The following NKAIN2 variants were observed in gnomAD, a reference collection of about 807,000 sequenced individuals.
The protein encoded by NKAIN2 is sodium/potassium-transporting ATPase subunit beta-1-interacting protein 2.
NKAIN2 carries 14 observed loss-of-function variants against 32.6 expected under a neutral mutation model. The ratio of observed to expected loss-of-function variants is 0.43; its 90% confidence interval spans 0.28 to 0.67. The LOEUF (loss-of-function observed/expected upper bound fraction) is 0.67. NKAIN2 is among the 30% of genes least tolerant of loss of function. The pLI is 0.17. For missense variants in NKAIN2, 198 were observed against 258.3 expected (o/e 0.77, Z 1.60); for synonymous variants, 80 against 87.2 (o/e 0.92, Z 0.46).
rs1330517962 is a variant in NKAIN2, at chr6:124,233,786, C to T, written c.55-49219C>T. ...AGAATGGGATTCTTCAAAAATTCTG[C>T]AGTAACAAGAATGAAATCTTCTAAA... is the stretch of plus-strand genomic sequence containing the variant. On this transcript the variant is annotated intron_variant, in intron 1 of 6. Transcript: ENST00000368417. Among the ~76,000 whole-genome samples the T allele has an allele frequency of 2.6e-5, 4 of 152,252 alleles. No homozygotes were observed. In the East Asian group the frequency reaches 7.7e-4, roughly 29 times the overall value.
At chr6:124,250,276 G>C (rs539782575) in intron 1 of NKAIN2, among the ~76,000 whole-genome samples, 1 of 152,078 alleles carries the variant, frequency 6.6e-6, no homozygotes, top group Non-Finnish European at 1.5e-5. Context: ...AAGCTGCTCA[G>C]TCTGTGATAT....
intron 3 of NKAIN2, among the ~76,000 whole-genome samples, chr6:124,486,834 C>T (rs529817549): frequency 6.6e-6 from 1 of 152,164 alleles, no homozygotes; most frequent in Non-Finnish European, 1.5e-5. Context: ...CTCTGCTCTG[C>T]CCGTTCCCTG....
chr6:123,870,582 T>G (rs189575443), intron 1 of NKAIN2, among the ~76,000 whole-genome samples: 22 of 152,308 alleles, frequency 1.4e-4, no homozygotes, highest in African/African-American at 4.3e-4. Context: ...ACTGTGAAAA[T>G]TAATAATGCT....
chr6:124,440,992 G>T (rs543143948), intron 3 of NKAIN2, among the ~76,000 whole-genome samples: 1 of 152,140 alleles, frequency 6.6e-6, no homozygotes, highest in African/African-American at 2.4e-5. Flanking sequence ...ACTAGTAATT[G>T]ATTTCACCTG....
At chr6:124,795,843 AG>A in intron 5 of NKAIN2, among the ~76,000 whole-genome samples, 1 of 152,260 alleles carries the variant, frequency 6.6e-6, no homozygotes, top group East Asian at 1.9e-4. Context: ...CACCTCCTAC[AG>A]GCCCTACCTC....
chr6:124,700,420 T>G (rs1194397198), intron 4 of NKAIN2, among the ~76,000 whole-genome samples: 1 of 152,176 alleles, frequency 6.6e-6, no homozygotes, highest in Non-Finnish European at 1.5e-5. Flanking sequence ...AGCAAGAGGT[T>G]CATAACAACT....
At chr6:124,048,741 T>C (rs1200719018) in intron 1 of NKAIN2, among the ~76,000 whole-genome samples, 3 of 152,030 alleles carry the variant, frequency 2.0e-5, no homozygotes, top group Non-Finnish European at 4.4e-5. Flanking sequence ...TAAATAATTA[T>C]TGGAAATTTC....
rs531264036 is a variant in NKAIN2, at chr6:124,505,938, C to T, written c.273+150591C>T. The stretch of plus-strand genomic sequence containing the variant: ...CCTGTAATCCCAGCACTTTGGGAGG[C>T]CGAGGCAGGCAGATCACGAGGTCAA... On this transcript the variant is annotated intron_variant, in intron 3 of 6. Coordinates refer to ENST00000368417, the MANE Select transcript of NKAIN2 (RefSeq NM_001040214.3). Among the ~76,000 whole-genome samples, 8 of 152,198 alleles carry T rather than the reference C, an allele frequency of 5.3e-5. 1 individual carries two copies. In the East Asian group the frequency reaches 1.6e-3, roughly 30 times the overall value.
chr6:124,168,209 A>G (rs1345521659), intron 1 of NKAIN2, among the ~76,000 whole-genome samples: 1 of 152,158 alleles, frequency 6.6e-6, no homozygotes, highest in African/African-American at 2.4e-5. Flanking sequence ...GTATTGCTAT[A>G]TATGCTGGCC....
intron 1 of NKAIN2, among the ~76,000 whole-genome samples, chr6:124,114,544 A>G (rs1032536728): frequency 2.0e-5 from 3 of 152,128 alleles, no homozygotes; most frequent in African/African-American, 7.2e-5. Flanking sequence ...CAGCATATAG[A>G]TGTTAATAAA....
chr6:124,771,842 A>G (rs933395682), intron 4 of NKAIN2, among the ~76,000 whole-genome samples: 1 of 152,186 alleles, frequency 6.6e-6, no homozygotes, highest in Non-Finnish European at 1.5e-5. Flanking sequence ...AAGCCAGAAG[A>G]GTTCTCTAGG....
intron 2 of NKAIN2, among the ~76,000 whole-genome samples, chr6:124,340,948 A>G: frequency 6.6e-6 from 1 of 152,020 alleles, no homozygotes; most frequent in East Asian, 1.9e-4. Context: ...AAAGGGAATT[A>G]TTTTTCACTT....
intron 1 of NKAIN2, among the ~76,000 whole-genome samples, chr6:124,165,284 AG>A (rs968887260): frequency 7.9e-5 from 12 of 152,202 alleles, no homozygotes; most frequent in African/African-American, 2.9e-4. Context: ...CTGTCCCTTG[AG>A]GAAAAATTGG....
intron 5 of NKAIN2, among the ~76,000 whole-genome samples, chr6:124,792,225 G>A (rs1370494738): frequency 2.0e-5 from 3 of 151,968 alleles, no homozygotes; most frequent in Non-Finnish European, 4.4e-5. Flanking sequence ...TTATAATGTT[G>A]GGTTTTTGAA....
At chr6:124,584,902 C>T (rs1781657202) in intron 3 of NKAIN2, among the ~76,000 whole-genome samples, 1 of 152,092 alleles carries the variant, frequency 6.6e-6, no homozygotes, top group Non-Finnish European at 1.5e-5. Flanking sequence ...TTGGAAGTTC[C>T]TCAAAAAACT....
chr6:123,859,794 G>T (rs1775710044), intron 1 of NKAIN2, among the ~76,000 whole-genome samples: 1 of 152,158 alleles, frequency 6.6e-6, no homozygotes, highest in Non-Finnish European at 1.5e-5. Flanking sequence ...GGGTTCAAGT[G>T]ATTCCCCTAC....
intron 1 of NKAIN2, among the ~76,000 whole-genome samples, chr6:124,117,401 C>T (rs1415432535): frequency 1.3e-5 from 2 of 151,964 alleles, no homozygotes; most frequent in Middle Eastern, 3.2e-3. Context: ...AAATGGTCAG[C>T]ACAGGCAATG....
chr6:123,839,498 A>G (rs1272418629), intron 1 of NKAIN2, among the ~76,000 whole-genome samples: 3 of 152,158 alleles, frequency 2.0e-5, no homozygotes, highest in Non-Finnish European at 2.9e-5. Flanking sequence ...AACACAAAAT[A>G]AGCATTTCGT....
At chr6:124,034,413 C>T (rs1017076486) in intron 1 of NKAIN2, among the ~76,000 whole-genome samples, 2 of 151,982 alleles carry the variant, frequency 1.3e-5, no homozygotes, top group Non-Finnish European at 2.9e-5. Context: ...AGGATAATGA[C>T]CTCTGGGTCC....
Sources: allele counts gnomAD v4.1 joint callset (sites outside exome capture counted in the v4.1 genomes callset), GRCh38; gene constraint gnomAD v4.1.1; transcripts MANE v1.5; gene names NCBI Gene and HGNC (gene_info 2026-07-23, HGNC 2026-07-21).